The following CRHR2 variants were observed in gnomAD, a reference collection of about 807,000 sequenced individuals.
CRHR2 encodes the protein corticotropin-releasing hormone receptor 2.
In CRHR2, 53 loss-of-function variants were observed where a neutral mutation model predicts 57.9. The ratio of observed to expected loss-of-function variants is 0.92; its 90% CI spans 0.73 to 1.15. The LOEUF (loss-of-function observed/expected upper bound fraction) is 1.15, where lower values mean the gene tolerates loss of function less well. CRHR2 is among the 50% of genes most tolerant of loss of function. The pLI, the probability that CRHR2 is intolerant of heterozygous loss-of-function variation, is 0.00. For missense variants in CRHR2, 532 were observed against 542.6 expected (o/e 0.98, Z 0.19); for synonymous variants, 213 against 220.9 (o/e 0.96, Z 0.32).
In CRHR2 at chr7:30,665,710, G is replaced by A. The variant is rs41275997; in HGVS notation, c.316-71C>T. 6.0e-5 allele frequency: 77 copies of A among 1,289,518 alleles called. No homozygotes were observed. The highest frequency in any genetic ancestry group is 2.2e-4 in the Admixed American group (11 of 49,664). The allele number at this position is 1,289,518 out of a possible 1,614,324, so 79.9% of individuals were successfully genotyped here. A position where few individuals can be genotyped will look rare whatever the true frequency, so the allele number is the denominator to read the frequency against. On this transcript the variant is annotated intron_variant, in intron 3 of 11. Coordinates refer to ENST00000471646, the MANE Select transcript of CRHR2 (RefSeq NM_001883.5). The surrounding 1 kb of genome is among the most constrained non-coding windows in gnomAD (Gnocchi z 4.5). ...GGGGGTGGGGCTGGGTATTCCAGCC[G>A]TGGCCACCTCTGTGTCCTGACCTTG...
chr7:30,682,584 C>T, upstream of CRHR2: 8 of 1,055,858 alleles, frequency 7.6e-6, no homozygotes, highest in Non-Finnish European at 9.5e-6. Flanking sequence ...TCTCCAGCCC[C>T]CGGGCCCTCC....
At chr7:30,690,532 C>T (rs1332021647) in intron 1 of CRHR2, among the ~76,000 whole-genome samples, 2 of 152,134 alleles carry the variant, frequency 1.3e-5, no homozygotes, top group African/African-American at 4.8e-5. Context: ...GTGTGCAGCC[C>T]CTTCTCTTCC....
intron 8 of CRHR2, among the ~76,000 whole-genome samples, chr7:30,660,283 T>C (rs569292298): frequency 6.6e-6 from 1 of 152,326 alleles, no homozygotes; most frequent in South Asian, 2.1e-4. Context: ...CATTGTACAG[T>C]GTCAGACCGG....
At chr7:30,658,419 G>A (rs966958946) in intron 8 of CRHR2, among the ~76,000 whole-genome samples, 5 of 152,166 alleles carry the variant, frequency 3.3e-5, no homozygotes, top group Non-Finnish European at 4.4e-5. Context: ...CAGAGGGCTT[G>A]TGGCCTAGCT....
intron 2 of CRHR2, among the ~76,000 whole-genome samples, chr7:30,674,914 T>C (rs1256751062): frequency 6.6e-6 from 1 of 152,154 alleles, no homozygotes; most frequent in East Asian, 1.9e-4. Flanking sequence ...CTTAGCTGTC[T>C]ACAGGGAGCC....
Position 30,676,296 on chromosome 7 carries a change from C to T in CRHR2, c.229+5619G>A, listed in dbSNP as rs1323559893. Among the ~76,000 whole-genome samples the T allele has an allele frequency of 3.3e-5, 5 of 152,304 alleles. No homozygotes were observed. In the East Asian group the frequency reaches 9.6e-4, roughly 29 times the overall value. On this transcript the variant is annotated intron_variant, in intron 2 of 11. Coordinates refer to ENST00000471646, the MANE Select transcript of CRHR2 (RefSeq NM_001883.5). ...AACCTCTGTGATGGCCATGCCTGTCCCACCTTCCCTCTCTCCCAGCAGGGA... is the reference window on the plus strand; with the variant it reads ...AACCTCTGTGATGGCCATGCCTGTCTCACCTTCCCTCTCTCCCAGCAGGGA...
rs550200702 is a variant in CRHR2 at position 30,699,918 on chromosome 7, C to G, written c.-261+26G>C. On this transcript the variant is annotated intron_variant, in intron 1 of 13. Transcript: ENST00000341843. ...GCTCCGTGCTCCTGGCGCCCCACCT[C>G]GTGGACTCCCACTCCCTGCACTTAC... The G allele has an allele frequency of 5.8e-5, 87 of 1,495,674 alleles. 1 individual carries two copies. The South Asian group carries it at 1.1e-3, about 19-fold the overall frequency. The allele number at this position is 1,495,674 out of a possible 1,614,324, so 92.7% of individuals were successfully genotyped here.
At chr7:30,660,743 A>G in intron 7 of CRHR2, 98 bp from the exon 8 acceptor site, 1 of 1,177,208 alleles carries the variant, frequency 8.5e-7, no homozygotes. Flanking sequence ...CCTTCCTGAG[A>G]CCCAATCTCC....
Position 30,653,375 on chromosome 7 carries a change from C to T in CRHR2, c.*85G>A. 1 of 1,531,974 alleles carries T rather than the reference C, an allele frequency of 6.5e-7. No homozygotes were observed. The highest frequency in any genetic ancestry group is 8.8e-7 in the Non-Finnish European group (1 of 1,138,166). 94.9% of individuals were successfully genotyped at this position (1,531,974 alleles called of 1,614,324 possible). ...TGGTCTCTCCCCTCCCATCTCCTGC[C>T]CCACGAGAGCCTGCCCAGCACAGAG... On this transcript the variant is annotated 3_prime_UTR_variant, in exon 12 of 12. Coordinates refer to ENST00000471646, the MANE Select transcript of CRHR2 (RefSeq NM_001883.5). This position sits in a 1 kb window ranked among gnomAD's most constrained non-coding sequence, Gnocchi z 5.0.
Position 30,682,322 on chromosome 7 carries a change from G to T in CRHR2, c.-42C>A, listed in dbSNP as rs755668813. 3 of 1,505,264 alleles carry T rather than the reference G, an allele frequency of 2.0e-6. No homozygotes were observed. The highest frequency in any genetic ancestry group is 1.4e-5 in the African/African-American group (1 of 69,228). 93.2% of individuals were successfully genotyped at this position (1,505,264 alleles called of 1,614,324 possible). The stretch of plus-strand genomic sequence containing the variant: ...GTGCGGAGAGGGAGTGGGAGTGCGC[G>T]CCCGGCGTGACTGCGAGGGAGTGGA... On this transcript the variant is annotated 5_prime_UTR_variant, in exon 1 of 12. Transcript: ENST00000471646.
At chr7:30,667,347 A>T (rs545765805) in intron 2 of CRHR2, 34 bp from the exon 3 acceptor site, 1 of 1,595,984 alleles carries the variant, frequency 6.3e-7, no homozygotes, top group East Asian at 2.2e-5. Flanking sequence ...GAGTCAGGTC[A>T]CTCCCCTCCT....
intron 2 of CRHR2, among the ~76,000 whole-genome samples, chr7:30,674,246 T>G (rs994083675): frequency 1.1e-4 from 16 of 152,296 alleles, no homozygotes; most frequent in African/African-American, 3.8e-4. Flanking sequence ...CCCAGCTCAC[T>G]GTGTAAGCTC....
At chr7:30,655,847 G>T in intron 9 of CRHR2, 80 bp downstream of exon 9, 1 of 1,597,398 alleles carries the variant, frequency 6.3e-7, no homozygotes, top group Non-Finnish European at 8.6e-7. Flanking sequence ...CTGGGGCAGA[G>T]GGCTCTGCCA....
intron 5 of CRHR2, 112 bp downstream of exon 5, chr7:30,664,958 G>A (rs1038077801): frequency 2.4e-5 from 20 of 816,782 alleles, no homozygotes; most frequent in Middle Eastern, 3.1e-4. Flanking sequence ...GCTTTAGCAG[G>A]TAGTGAGCTT....
chr7:30,658,501 G>A (rs918006068), intron 8 of CRHR2, among the ~76,000 whole-genome samples: 62 of 152,294 alleles, frequency 4.1e-4, no homozygotes, highest in African/African-American at 1.5e-3. Flanking sequence ...TGGAGAAATG[G>A]CAGATGGGCT....
chr7:30,687,464 T>TA (rs570334162), intron 2 of CRHR2, among the ~76,000 whole-genome samples: 58 of 151,286 alleles, frequency 3.8e-4, no homozygotes, highest in African/African-American at 1.3e-3. Context: ...AAAAAGAAAA[T>TA]AAAAAAACAA....
chr7:30,690,973 T>G (rs1003020090), intron 1 of CRHR2, among the ~76,000 whole-genome samples: 1 of 152,036 alleles, frequency 6.6e-6, no homozygotes, highest in African/African-American at 2.4e-5. Flanking sequence ...GGACAAACAC[T>G]GGGGGCCATG....
chr7:30,654,576 G>C, intron 11 of CRHR2: 1 of 1,087,016 alleles, frequency 9.2e-7, no homozygotes, highest in Non-Finnish European at 1.3e-6. Context: ...TGATTGGCTT[G>C]CACATGCCAA....
intron 1 of CRHR2, among the ~76,000 whole-genome samples, chr7:30,696,298 AG>A: frequency 6.6e-6 from 1 of 152,372 alleles, no homozygotes. Flanking sequence ...TGTAACACAA[AG>A]GATAAATTCT....
Sources: gnomAD v4.1 joint callset for allele counts (sites outside exome capture counted in the v4.1 genomes callset) on GRCh38, gnomAD v4.1.1 for gene constraint, Gnocchi (gnomAD v3.1) non-coding constraint, MANE v1.5 for transcripts, NCBI Gene and HGNC (gene_info 2026-07-23, HGNC 2026-07-21) for gene names.